Variants in MAST4 observed in about 807,000 individuals in gnomAD.
MAST4 encodes microtubule associated serine/threonine kinase family member 4.
Under a neutral mutation model 162.7 loss-of-function variants are expected in MAST4, and 89 were observed. The observed-to-expected ratio is 0.55, with a 90% confidence interval of 0.46 to 0.65. The LOEUF (loss-of-function observed/expected upper bound fraction) is 0.65. Ranked by LOEUF, MAST4 falls within the 30% of genes least tolerant of loss-of-function variation. The pLI, the probability that MAST4 is intolerant of heterozygous loss-of-function variation, is 0.00. For synonymous variants in MAST4, 1,479 were observed against 1,361.1 expected (o/e 1.09, Z -1.91); for missense variants, 3,153 against 3,374.0 (o/e 0.93, Z 1.62).
intron 1 of MAST4, among the ~76,000 whole-genome samples, chr5:66,612,211 T>A (rs1743334143): frequency 6.6e-6 from 1 of 152,214 alleles, no homozygotes. Context: ...TTTTTTGCAG[T>A]GTTTCTTTTT....
chr5:66,914,634 A>T (rs1231107755), intron 4 of MAST4, among the ~76,000 whole-genome samples: 1 of 152,192 alleles, frequency 6.6e-6, no homozygotes, highest in Non-Finnish European at 1.5e-5. Flanking sequence ...CAGGGGACTC[A>T]GAGGGTTACA....
chr5:67,024,994 T>A (rs938772996), intron 4 of MAST4, among the ~76,000 whole-genome samples: 20 of 152,288 alleles, frequency 1.3e-4, no homozygotes, highest in African/African-American at 4.8e-4. Context: ...AAAGAGATCT[T>A]GTTTCTGTTC....
Position 67,165,812 on chromosome 5 carries a change from CCT to C in MAST4, c.6637_6638del (p.Ser2213LeufsTer23), listed in dbSNP as rs759474668. ...CAAAGACTAAGCACCCCGACCGGTC[CCT>C]CTCCTCTCAGAAACCAAGTGTCGGG... The part of the protein sequence containing the change: ...PPKTKHPDRS[L>X]SSQKPSVGAT... On this transcript the variant is annotated frameshift_variant, in exon 29 of 29. Transcript: ENST00000403625. LOFTEE classifies it low-confidence loss of function (END_TRUNC). The C allele has an allele frequency of 3.7e-6, 6 of 1,612,482 alleles. No homozygotes were observed. The highest frequency in any genetic ancestry group is 5.1e-6 in the Non-Finnish European group (6 of 1,179,634).
intron 5 of MAST4, among the ~76,000 whole-genome samples, chr5:67,079,476 G>A (rs1762358696): frequency 6.6e-6 from 1 of 152,134 alleles, no homozygotes; most frequent in Admixed American, 6.5e-5. Context: ...GGTCACTTCT[G>A]AATTGTAGGA....
At chr5:67,122,322 A>G (rs1767690379) in intron 14 of MAST4, among the ~76,000 whole-genome samples, 1 of 152,192 alleles carries the variant, frequency 6.6e-6, no homozygotes, top group Admixed American at 6.5e-5. Flanking sequence ...TTCACCTTGA[A>G]TATTTTCCAC....
intron 3 of MAST4, among the ~76,000 whole-genome samples, chr5:66,835,522 A>G (rs1300123389): frequency 6.6e-6 from 1 of 152,186 alleles, no homozygotes; most frequent in Non-Finnish European, 1.5e-5. Context: ...TTGATATTGC[A>G]TTTAAAACAA....
intron 2 of MAST4, among the ~76,000 whole-genome samples, chr5:66,761,034 A>G (rs1015689292): frequency 2.0e-5 from 3 of 152,222 alleles, no homozygotes; most frequent in African/African-American, 7.2e-5. Context: ...CCTGACAGGT[A>G]TGGATGAACG....
intron 3 of MAST4, among the ~76,000 whole-genome samples, chr5:66,841,137 A>G (rs1482711677): frequency 6.6e-6 from 1 of 152,152 alleles, no homozygotes; most frequent in African/African-American, 2.4e-5. Context: ...GTGCATGTAA[A>G]TTACTTAAAG....
chr5:66,845,126 T>TATACATAC (rs1358855625), intron 3 of MAST4, among the ~76,000 whole-genome samples: 7 of 67,176 alleles, frequency 1.0e-4, no homozygotes, highest in African/African-American at 2.2e-4. Context: ...TATATATATA[T>TATACATAC]ACACACACAC....
At chr5:67,011,960 C>T (rs1752725704) in intron 4 of MAST4, among the ~76,000 whole-genome samples, 1 of 152,016 alleles carries the variant, frequency 6.6e-6, no homozygotes, top group African/African-American at 2.4e-5. Flanking sequence ...AATTATGGAG[C>T]ATATGCTGCA....
intron 4 of MAST4, among the ~76,000 whole-genome samples, chr5:67,031,077 T>C (rs1237589244): frequency 6.6e-6 from 1 of 152,160 alleles, no homozygotes; most frequent in Non-Finnish European, 1.5e-5. Context: ...TTTTTTCCTA[T>C]GTGAAAAAAG....
chr5:67,134,124 CTG>C (rs1237559635), intron 17 of MAST4, among the ~76,000 whole-genome samples: 12 of 152,020 alleles, frequency 7.9e-5, no homozygotes, highest in Non-Finnish European at 1.8e-4. Context: ...ATGAAATGAC[CTG>C]TGTGTGAATA....
At chr5:66,864,343 G>A (rs183411966) in intron 3 of MAST4, among the ~76,000 whole-genome samples, 5 of 152,120 alleles carry the variant, frequency 3.3e-5, no homozygotes, top group Admixed American at 6.5e-5. Context: ...GAGATCCTGT[G>A]TTGAGAACAT....
intron 1 of MAST4, among the ~76,000 whole-genome samples, chr5:66,685,872 A>C (rs1025088976): frequency 6.6e-6 from 1 of 152,060 alleles, no homozygotes; most frequent in Admixed American, 6.5e-5. Context: ...TTTTCCATAG[A>C]CTGGGAGGAG....
chr5:66,612,377 G>A (rs1178505994), intron 1 of MAST4, among the ~76,000 whole-genome samples: 2 of 152,176 alleles, frequency 1.3e-5, no homozygotes, highest in Non-Finnish European at 2.9e-5. Context: ...CATTATTGGT[G>A]GTGAGGTTTG....
At chr5:66,918,468 G>A (rs1398358286) in intron 4 of MAST4, among the ~76,000 whole-genome samples, 1 of 152,058 alleles carries the variant, frequency 6.6e-6, no homozygotes, top group Non-Finnish European at 1.5e-5. Flanking sequence ...ATATGCTTTT[G>A]GCCATTCTTA....
At chr5:67,156,038 G>A (rs984119619) in intron 26 of MAST4, among the ~76,000 whole-genome samples, 3 of 147,676 alleles carry the variant, frequency 2.0e-5, no homozygotes, top group Non-Finnish European at 4.4e-5. Context: ...CAGCCTGGGC[G>A]ACAGAGTGAG....
intron 1 of MAST4, among the ~76,000 whole-genome samples, chr5:66,629,054 T>C (rs1744629408): frequency 6.6e-6 from 1 of 152,228 alleles, no homozygotes; most frequent in African/African-American, 2.4e-5. Context: ...ATATTGATGT[T>C]GTCCACTTCA....
chr5:66,846,513 T>A (rs1352553828), intron 3 of MAST4, among the ~76,000 whole-genome samples: 1 of 152,174 alleles, frequency 6.6e-6, no homozygotes, highest in Non-Finnish European at 1.5e-5. Context: ...GCTTTCCTGG[T>A]CTATGGAGGT....
Sources: gnomAD v4.1 joint callset for allele counts (sites outside exome capture counted in the v4.1 genomes callset) on GRCh38, gnomAD v4.1.1 for gene constraint, MANE v1.5 for transcripts, NCBI Gene and HGNC (gene_info 2026-07-23, HGNC 2026-07-21) for gene names.